CAPN5: variants seen among roughly 807,000 people sequenced by gnomAD.
CAPN5 encodes calpain 5.
In CAPN5, 54 loss-of-function variants were observed where a neutral mutation model predicts 73.0. The observed-to-expected ratio is 0.74, with a 90% CI of 0.59 to 0.93. The LOEUF (loss-of-function observed/expected upper bound fraction) is 0.93, where lower values mean the gene tolerates loss of function less well. Ranked by LOEUF, CAPN5 falls within the 40% of genes least tolerant of loss-of-function variation. CAPN5 has a pLI of 0.00. For synonymous variants in CAPN5, 335 were observed against 356.9 expected, an observed-to-expected ratio of 0.94 and a Z score of 0.69; for missense variants, 785 against 882.9, an observed-to-expected ratio of 0.89 and a Z score of 1.41.
At chr11:77,110,012 A>G (rs1555040523) in intron 3 of CAPN5, among the ~76,000 whole-genome samples, 1 of 150,410 alleles carries the variant, frequency 6.6e-6, no homozygotes, top group Non-Finnish European at 1.5e-5. Flanking sequence ...TCAGCTTAGG[A>G]CTCCCTGTCA....
chr11:77,078,476 A>G (rs1334398896), intron 1 of CAPN5, among the ~76,000 whole-genome samples: 2 of 152,140 alleles, frequency 1.3e-5, no homozygotes, highest in African/African-American at 4.8e-5. Context: ...GCTTTGTAGT[A>G]TATTTTGAAG....
chr11:77,076,886 G>A (rs1234034224), intron 1 of CAPN5, among the ~76,000 whole-genome samples: 2 of 152,202 alleles, frequency 1.3e-5, no homozygotes, highest in African/African-American at 4.8e-5. Flanking sequence ...ATACCCAGTA[G>A]TGGGATTGCT....
intron 3 of CAPN5, among the ~76,000 whole-genome samples, chr11:77,111,116 C>T (rs993414678): frequency 2.0e-5 from 3 of 152,038 alleles, no homozygotes; most frequent in East Asian, 3.9e-4. Context: ...ACTGCGGATG[C>T]TGCTGAGTAG....
chr11:77,085,200 C>G, intron 2 of CAPN5, 149 bp downstream of exon 2: 1 of 695,522 alleles, frequency 1.4e-6, no homozygotes, highest in East Asian at 2.7e-5. Flanking sequence ...GGGATTTGAT[C>G]CGGATGGGGA....
intron 3 of CAPN5, among the ~76,000 whole-genome samples, chr11:77,096,014 G>A (rs1407192673): frequency 3.9e-5 from 6 of 152,152 alleles, no homozygotes; most frequent in Non-Finnish European, 5.9e-5. Context: ...AAGGAGGCTC[G>A]GGGCCCTGCG....
Position 77,093,766 on chromosome 11 carries a change from G to A in CAPN5, c.250G>A (p.Val84Met). ...GGGCCAGGTGGGCAACTGCTGGTTT[G>A]TGGCAGCCTGCTCGTCACTTGCCTC... ...HQGQVGNCWF[V>M]AACSSLASRE... Residue 84 changes from valine (V) to methionine (M), a missense_variant, in exon 3 of 13, where the codon GTG becomes ATG. Transcript: ENST00000648180. 6.2e-7 allele frequency: 1 copy of A among 1,612,246 alleles called. No individual in the cohort carries two copies. The highest frequency in any genetic ancestry group is 8.5e-7 in the Non-Finnish European group (1 of 1,179,980).
intron 1 of CAPN5, among the ~76,000 whole-genome samples, chr11:77,080,432 G>A (rs1299640260): frequency 3.9e-5 from 6 of 152,168 alleles, no homozygotes; most frequent in African/African-American, 1.4e-4. Flanking sequence ...TCTCTCAGAG[G>A]CTCAGAGAGG....
In CAPN5 at chr11:77,122,647, A is replaced by G. The variant is rs1456663728; in HGVS notation, c.1675A>G (p.Thr559Ala). 6.2e-7 allele frequency: 1 copy of G among 1,613,326 alleles called. No homozygotes were observed. The highest frequency in any genetic ancestry group is 8.5e-7 in the Non-Finnish European group (1 of 1,179,846). Residue 559 changes from threonine to alanine, a missense_variant, in exon 12 of 13, where the codon ACA becomes GCA. Thr to Ala is a moderately conservative substitution (Grantham distance 58, BLOSUM62 0). Coordinates refer to ENST00000648180, the MANE Select transcript of CAPN5 (RefSeq NM_004055.5). ...CTCGGCTGTGCAGAAGGGCACCTCC[A>G]CACCAGAGTACAATGTGAAAGGCAT... ...VRSAVQKGTS[T>A]PEYNVKGIFY... is the part of the protein sequence containing the mutation.
chr11:77,095,462 C>T (rs1950198109), intron 3 of CAPN5, among the ~76,000 whole-genome samples: 1 of 152,226 alleles, frequency 6.6e-6, no homozygotes, highest in African/African-American at 2.4e-5. Flanking sequence ...GAGGTGAGCT[C>T]CCCACAGGCA....
At chr11:77,120,588 C>T (rs1950511594) in intron 9 of CAPN5, 125 bp from the exon 10 acceptor site, 2 of 638,472 alleles carry the variant, frequency 3.1e-6, no homozygotes, top group South Asian at 2.3e-5. Context: ...ATAGATTTGC[C>T]TGTTCCGGAC....
chr11:77,119,183 G>C lies in CAPN5; in HGVS notation c.1290+31G>C, dbSNP rs782315748. On this transcript the variant is annotated intron_variant, in intron 9 of 12. Transcript: ENST00000648180. ...GCCAGCCGGGTCCCCTGCCGTGGGT[G>C]GGGAGAGGGAGGGAGCTGGAGTTTG... 2.5e-6 allele frequency: 4 copies of C among 1,589,256 alleles called. No homozygotes were observed. In the South Asian group the frequency reaches 3.4e-5, roughly 14 times the overall value.
intron 9 of CAPN5, chr11:77,119,518 C>G (rs1041420389): frequency 3.8e-6 from 1 of 260,120 alleles, no homozygotes; most frequent in Admixed American, 4.7e-5. Context: ...GGGCCCCTTG[C>G]AGCCCCTTAG....
intron 3 of CAPN5, chr11:77,103,222 G>T: frequency 6.2e-7 from 1 of 1,613,658 alleles, no homozygotes; most frequent in South Asian, 1.1e-5. Flanking sequence ...TTTGGGGAGC[G>T]CCTGTCGGAC....
intron 2 of CAPN5, among the ~76,000 whole-genome samples, chr11:77,085,765 G>A (rs1950079152): frequency 6.6e-6 from 1 of 151,702 alleles, no homozygotes; most frequent in African/African-American, 2.4e-5. Flanking sequence ...GTGGGCTGGG[G>A]AGGGGTTCGC....
chr11:77,101,360 G>A (rs1555038805), intron 3 of CAPN5, among the ~76,000 whole-genome samples: 1 of 152,188 alleles, frequency 6.6e-6, no homozygotes, highest in South Asian at 2.1e-4. Flanking sequence ...GGAAAGGGAA[G>A]CCTCCCATGG....
intron 2 of CAPN5, among the ~76,000 whole-genome samples, chr11:77,088,656 C>G (rs1392564310): frequency 1.3e-5 from 2 of 152,106 alleles, no homozygotes; most frequent in Non-Finnish European, 2.9e-5. Flanking sequence ...ATCCTAGATT[C>G]CAGGAGGGTG....
chr11:77,074,643 T>G (rs1407413901), intron 1 of CAPN5, among the ~76,000 whole-genome samples: 4 of 151,896 alleles, frequency 2.6e-5, no homozygotes, highest in South Asian at 2.1e-4. Flanking sequence ...AAGGTGGTGG[T>G]GGGGGGTGTC....
chr11:77,083,962 G>A (rs1183532214), intron 1 of CAPN5, among the ~76,000 whole-genome samples: 4 of 152,196 alleles, frequency 2.6e-5, no homozygotes, highest in Non-Finnish European at 5.9e-5. Flanking sequence ...TGTTACCCTG[G>A]GCAGGCCCCA....
intron 1 of CAPN5, among the ~76,000 whole-genome samples, chr11:77,084,386 A>G (rs1555035037): frequency 1.3e-5 from 2 of 152,132 alleles, no homozygotes; most frequent in Admixed American, 1.3e-4. Flanking sequence ...TGATGCTGAG[A>G]GGGGTACCTG....
Sources: gnomAD v4.1 joint callset for allele counts (sites outside exome capture counted in the v4.1 genomes callset) on GRCh38, gnomAD v4.1.1 for gene constraint, MANE v1.5 for transcripts, NCBI Gene and HGNC (gene_info 2026-07-23, HGNC 2026-07-21) for gene names.